Variants in CSMD1 observed in about 807,000 individuals in gnomAD.
The protein encoded by CSMD1 is CUB and sushi domain-containing protein 1.
A neutral mutation model predicts 417.5 loss-of-function variants in CSMD1; 213 were observed. The ratio of observed to expected loss-of-function variants is 0.51; its 90% confidence interval spans 0.46 to 0.57. The LOEUF (loss-of-function observed/expected upper bound fraction) is 0.57. Among genes scored for constraint, CSMD1 ranks in the 20% least tolerant of loss-of-function variants. The pLI is 0.00. For synonymous variants in CSMD1, 2,862 were observed against 1,736.8 expected, an observed-to-expected ratio of 1.65 and a Z score of -16.11; for missense variants, 6,923 against 4,529.7, an observed-to-expected ratio of 1.53 and a Z score of -15.17.
rs75326849 is a variant in CSMD1 at position 4,663,475 on chromosome 8, G to T, written c.86-25917C>A. 1.4e-3 allele frequency among the ~76,000 whole-genome samples: 207 copies of T among 152,292 alleles called. 1 individual carries two copies. The East Asian group carries it at 0.037, about 27-fold the overall frequency. Reference sequence around the variant, plus strand: ...GAATATTGGAGGAGGGGCCTGGTGGGAGGTGATTGAATCATGGGCACAGAT... The same window carrying T: ...GAATATTGGAGGAGGGGCCTGGTGGTAGGTGATTGAATCATGGGCACAGAT... On this transcript the variant is annotated intron_variant, in intron 1 of 69. Coordinates refer to ENST00000635120, the MANE Select transcript of CSMD1 (RefSeq NM_033225.6).
At chr8:3,149,284 T>C (rs1484852878) in intron 40 of CSMD1, among the ~76,000 whole-genome samples, 1 of 152,076 alleles carries the variant, frequency 6.6e-6, no homozygotes, top group Non-Finnish European at 1.5e-5. Context: ...GTTAAGAAAA[T>C]ATTTATACCA....
At chr8:4,049,699 T>C (rs1271569336) in intron 3 of CSMD1, among the ~76,000 whole-genome samples, 1 of 152,176 alleles carries the variant, frequency 6.6e-6, no homozygotes, top group Non-Finnish European at 1.5e-5. Flanking sequence ...TCTTAATAAA[T>C]TTTCAAATTT....
chr8:3,280,932 G>T (rs976148054), intron 26 of CSMD1, among the ~76,000 whole-genome samples: 1 of 152,046 alleles, frequency 6.6e-6, no homozygotes, highest in African/African-American at 2.4e-5. Context: ...GTGATGGCCA[G>T]GTTTCAACAG....
At chr8:3,387,271 G>A (rs546036267) in intron 18 of CSMD1, among the ~76,000 whole-genome samples, 1 of 152,120 alleles carries the variant, frequency 6.6e-6, no homozygotes, top group East Asian at 1.9e-4. Context: ...TTGTTCATTC[G>A]GGGATAAAGT....
At chr8:3,349,691 T>C (rs922874735) in intron 21 of CSMD1, among the ~76,000 whole-genome samples, 2 of 148,984 alleles carry the variant, frequency 1.3e-5, no homozygotes, top group Non-Finnish European at 3.0e-5. Context: ...AAAAGAGAAA[T>C]TTATATGTAT....
intron 8 of CSMD1, among the ~76,000 whole-genome samples, chr8:3,613,830 C>T (rs1333386776): frequency 6.6e-6 from 1 of 151,542 alleles, no homozygotes; most frequent in Non-Finnish European, 1.5e-5. Context: ...ATAATGAAAG[C>T]CAGAACACTT....
At chr8:4,321,082 G>T (rs10108628) in intron 3 of CSMD1, among the ~76,000 whole-genome samples, 29,664 of 151,924 alleles carry the variant, frequency 0.2, 3,142 homozygotes, top group East Asian at 0.33. Flanking sequence ...CTTGTCATAC[G>T]CTTATATTGA....
intron 18 of CSMD1, among the ~76,000 whole-genome samples, chr8:3,370,915 G>A (rs1303420879): frequency 6.6e-6 from 1 of 152,036 alleles, no homozygotes; most frequent in African/African-American, 2.4e-5. Context: ...TGCGGAGGTT[G>A]CAGTGAGCTG....
intron 5 of CSMD1, among the ~76,000 whole-genome samples, chr8:3,891,297 G>A (rs1289719216): frequency 6.6e-6 from 1 of 152,024 alleles, no homozygotes; most frequent in Admixed American, 6.6e-5. Context: ...TGATCTACCT[G>A]CCTCAACCTC....
chr8:3,788,302 T>G (rs1241362970), intron 5 of CSMD1, among the ~76,000 whole-genome samples: 1 of 152,120 alleles, frequency 6.6e-6, no homozygotes, highest in Non-Finnish European at 1.5e-5. Flanking sequence ...AGCATTTTAG[T>G]AAAATGCATA....
intron 5 of CSMD1, among the ~76,000 whole-genome samples, chr8:3,997,689 C>T (rs1815322290): frequency 6.6e-6 from 1 of 152,180 alleles, no homozygotes; most frequent in Admixed American, 6.5e-5. Flanking sequence ...CAGATGACTT[C>T]CCGAGCTCCA....
intron 2 of CSMD1, among the ~76,000 whole-genome samples, chr8:4,632,664 T>A (rs1293910134): frequency 6.6e-6 from 1 of 152,158 alleles, no homozygotes; most frequent in African/African-American, 2.4e-5. Flanking sequence ...GCGAGGTAAC[T>A]TCAGGGCAGG....
intron 23 of CSMD1, among the ~76,000 whole-genome samples, chr8:3,342,775 C>T (rs1023587755): frequency 2.6e-5 from 4 of 152,092 alleles, no homozygotes; most frequent in Non-Finnish European, 5.9e-5. Flanking sequence ...TCAAAGTATT[C>T]CTCTTAGTTC....
At chr8:4,689,160 G>A (rs1221019835) in intron 1 of CSMD1, among the ~76,000 whole-genome samples, 1 of 152,164 alleles carries the variant, frequency 6.6e-6, no homozygotes, top group African/African-American at 2.4e-5. Context: ...AAAGGTAACA[G>A]GCCCCAAATC....
chr8:3,419,137 G>T (rs117164876), intron 12 of CSMD1, among the ~76,000 whole-genome samples: 1 of 152,148 alleles, frequency 6.6e-6, no homozygotes, highest in Non-Finnish European at 1.5e-5. Flanking sequence ...CGCAAGCTGC[G>T]CTGTTCTCTA....
At chr8:3,833,529 T>G (rs577100903) in intron 5 of CSMD1, among the ~76,000 whole-genome samples, 1 of 152,258 alleles carries the variant, frequency 6.6e-6, no homozygotes, top group African/African-American at 2.4e-5. Flanking sequence ...TTTTTTTCAA[T>G]GAAGAAGCAC....
intron 1 of CSMD1, among the ~76,000 whole-genome samples, chr8:4,770,798 A>T (rs1796562746): frequency 6.6e-6 from 1 of 152,160 alleles, no homozygotes; most frequent in South Asian, 2.1e-4. Flanking sequence ...ACCATACATA[A>T]AAATCAACTC....
intron 3 of CSMD1, among the ~76,000 whole-genome samples, chr8:4,368,012 C>G (rs1262679574): frequency 6.6e-6 from 1 of 152,050 alleles, no homozygotes; most frequent in Admixed American, 6.6e-5. Context: ...GACACCTTTT[C>G]TTGGCTGATT....
intron 1 of CSMD1, among the ~76,000 whole-genome samples, chr8:4,776,077 C>G (rs1299820813): frequency 1.3e-5 from 2 of 152,040 alleles, no homozygotes; most frequent in Non-Finnish European, 1.5e-5. Flanking sequence ...GTGTTTGGAT[C>G]TCAGATTTGA....
Sources: gnomAD v4.1 joint callset for allele counts (sites outside exome capture counted in the v4.1 genomes callset) on GRCh38, gnomAD v4.1.1 for gene constraint, MANE v1.5 for transcripts, NCBI Gene and HGNC (gene_info 2026-07-23, HGNC 2026-07-21) for gene names.